The following TPO variants were observed in gnomAD, a reference collection of about 807,000 sequenced individuals.
TPO encodes the protein thyroid peroxidase.
A neutral mutation model predicts 96.9 loss-of-function variants in TPO; 78 were observed. The ratio of observed to expected loss-of-function variants is 0.81; its 90% CI spans 0.67 to 0.97. The LOEUF (loss-of-function observed/expected upper bound fraction) is 0.97. Among genes scored for constraint, TPO ranks in the 50% least tolerant of loss-of-function variants. TPO has a pLI of 0.00. For synonymous variants in TPO, 547 were observed against 538.0 expected (o/e 1.02, Z -0.23); for missense variants, 1,252 against 1,274.8 (o/e 0.98, Z 0.27).
At chr2:1,382,407 G>T (rs532572520) in intron 1 of TPO, among the ~76,000 whole-genome samples, 34 of 152,272 alleles carry the variant, frequency 2.2e-4, no homozygotes, top group African/African-American at 7.2e-4. Flanking sequence ...AGAGAAGGGG[G>T]CGCACACCCC....
At chr2:1,502,824 C>A (rs1240049622) in intron 13 of TPO, among the ~76,000 whole-genome samples, 1 of 152,252 alleles carries the variant, frequency 6.6e-6, no homozygotes, top group African/African-American at 2.4e-5. Flanking sequence ...GCCCATTTTT[C>A]ACAGCTGACA....
intron 1 of TPO, among the ~76,000 whole-genome samples, chr2:1,382,374 C>A (rs1661823757): frequency 6.6e-6 from 1 of 152,194 alleles, no homozygotes; most frequent in Admixed American, 6.5e-5. Context: ...AACACAGAAA[C>A]CCCAAGGCCA....
rs187131555 is a variant in TPO, at chr2:1,471,364, G to C, written c.820-5722G>C. ...TACTTCACATTTCTCACCCTCTTAT[G>C]CTGAAAGCGAGTTGAGTTACGTTCA... On this transcript the variant is annotated intron_variant, in intron 7 of 16. Coordinates refer to ENST00000329066, the MANE Select transcript of TPO (RefSeq NM_001206744.2). 1.1e-4 allele frequency among the ~76,000 whole-genome samples: 17 copies of C among 152,028 alleles called. 1 individual carries two copies. The highest frequency in any genetic ancestry group is 3.4e-3 in the Middle Eastern group (1 of 294).
chr2:1,397,735 C>G (rs1573059426), intron 1 of TPO, among the ~76,000 whole-genome samples: 1 of 152,122 alleles, frequency 6.6e-6, no homozygotes, highest in Admixed American at 6.5e-5. Flanking sequence ...GGGGAAGGGG[C>G]TCCTCCATCC....
chr2:1,374,316 C>T (rs895545998), exon 1 of TPO: 10 of 152,284 alleles, frequency 6.6e-5, no homozygotes, highest in African/African-American at 1.4e-4. Context: ...TCCTTGACCC[C>T]AGCCTCACCG....
rs1221469555 is a variant in TPO at position 1,477,444 on chromosome 2, G to C, written c.1178G>C (p.Gly393Ala). The change falls in exon 8 of 17, where the codon GGA becomes GCA. Residue 393 changes from glycine (G) to alanine (A), a missense_variant. Gly to Ala is a moderately conservative substitution (Grantham distance 60). Coordinates refer to ENST00000329066, the MANE Select transcript of TPO (RefSeq NM_001206744.2). Reference protein sequence around the residue: ...GETRGPCFLAGDGRASEVPSL... With the variant: ...GETRGPCFLAADGRASEVPSL... ...ACCCGCGGGCCCTGCTTCCTGGCCGGAGACGGCCGCGCCAGCGAGGTCCCC... is the reference window on the plus strand; with the variant it reads ...ACCCGCGGGCCCTGCTTCCTGGCCGCAGACGGCCGCGCCAGCGAGGTCCCC... The C allele has an allele frequency of 2.6e-6, 4 of 1,523,768 alleles. No homozygotes were observed. The allele number at this position is 1,523,768 out of a possible 1,614,324, so 94.4% of individuals were successfully genotyped here. A position where few individuals can be genotyped will look rare whatever the true frequency, so the allele number is the denominator to read the frequency against.
intron 15 of TPO, among the ~76,000 whole-genome samples, chr2:1,528,230 A>C (rs144193914): frequency 0.023 from 1,074 of 46,756 alleles, 6 homozygotes; most frequent in Middle Eastern, 0.083. Context: ...CCACTGTGTG[A>C]AACCTCCCCA....
chr2:1,494,129 C>A lies in TPO; in HGVS notation c.2006+90C>A, dbSNP rs10198697. ...CTGAAGCCAGCCAGACCTGCATTCA[C>A]ATTCCGGCTCCACCATTCAACTCTT... is the stretch of plus-strand genomic sequence containing the variant. On this transcript the variant is annotated intron_variant, in intron 11 of 16. Transcript: ENST00000329066. 0.01 allele frequency: 13,014 copies of A among 1,274,422 alleles called. 983 individuals are homozygous for A. In the African/African-American group the frequency reaches 0.16, roughly 16 times the overall value. 78.9% of individuals were successfully genotyped at this position (1,274,422 alleles called of 1,614,324 possible). A position where few individuals can be genotyped will look rare whatever the true frequency, so the allele number is the denominator to read the frequency against.
At position 1,476,959 on chromosome 2, in the gene TPO, C is replaced by A. The variant is rs541346289; in HGVS notation, c.820-127C>A. The A allele has an allele frequency of 1.6e-5, 20 of 1,236,634 alleles. No individual in the cohort carries two copies. In the African/African-American group the frequency reaches 2.6e-4, roughly 16 times the overall value. The allele number at this position is 1,236,634 out of a possible 1,614,324, so 76.6% of individuals were successfully genotyped here. Reference sequence around the variant, plus strand: ...GGTGAGGGGACTGGCTGGACTGACCCCTACAGAGGACTGGAGGGGCAGAGA... The same window carrying A: ...GGTGAGGGGACTGGCTGGACTGACCACTACAGAGGACTGGAGGGGCAGAGA... On this transcript the variant is annotated intron_variant, in intron 7 of 16. Transcript: ENST00000329066.
At chr2:1,397,378 A>T (rs994803890) in intron 1 of TPO, among the ~76,000 whole-genome samples, 4 of 152,186 alleles carry the variant, frequency 2.6e-5, no homozygotes, top group African/African-American at 4.8e-5. Flanking sequence ...GTATGTGAGG[A>T]TGCCTTCCCT....
At chr2:1,499,807 A>G (rs1672698514) in intron 13 of TPO, among the ~76,000 whole-genome samples, 1 of 152,230 alleles carries the variant, frequency 6.6e-6, no homozygotes, top group South Asian at 2.1e-4. Context: ...CTCCTGCCAC[A>G]GACATTTCCG....
intron 5 of TPO, among the ~76,000 whole-genome samples, chr2:1,452,995 C>T (rs1366549379): frequency 1.3e-5 from 2 of 152,204 alleles, no homozygotes; most frequent in African/African-American, 4.8e-5. Flanking sequence ...AACAAAACTG[C>T]AGACCAGCCT....
intron 2 of TPO, among the ~76,000 whole-genome samples, chr2:1,422,727 T>A (rs1663893496): frequency 6.6e-6 from 1 of 152,242 alleles, no homozygotes; most frequent in African/African-American, 2.4e-5. Flanking sequence ...ACTTTACCAC[T>A]GGCTCAGGTA....
At chr2:1,524,333 C>A (rs1675918361) in intron 15 of TPO, among the ~76,000 whole-genome samples, 1 of 135,680 alleles carries the variant, frequency 7.4e-6, no homozygotes. Context: ...AATCCCCCTA[C>A]TGTAAGCAAC....
At chr2:1,531,296 A>G (rs1320428308) in intron 15 of TPO, among the ~76,000 whole-genome samples, 1 of 95,930 alleles carries the variant, frequency 1.0e-5, no homozygotes, top group South Asian at 3.7e-4. Flanking sequence ...AATGTCAGCA[A>G]CTTCCCTAAA....
chr2:1,492,637 A>T (rs1671882450), intron 10 of TPO, among the ~76,000 whole-genome samples: 1 of 152,208 alleles, frequency 6.6e-6, no homozygotes, highest in African/African-American at 2.4e-5. Flanking sequence ...TGTTTGGTCT[A>T]AACATGAGAC....
chr2:1,448,176 C>T (rs961285130), intron 5 of TPO, among the ~76,000 whole-genome samples: 2 of 152,188 alleles, frequency 1.3e-5, no homozygotes, highest in South Asian at 4.1e-4. Context: ...TGTGCCCTGC[C>T]GGCATCCACA....
At chr2:1,430,861 G>A (rs1248022676) in intron 3 of TPO, among the ~76,000 whole-genome samples, 2 of 152,178 alleles carry the variant, frequency 1.3e-5, no homozygotes, top group East Asian at 3.9e-4. Context: ...CAATGCTGGT[G>A]CCCCCATTGT....
chr2:1,537,540 A>AAATCCCCCAACT (rs148330276), intron 15 of TPO, among the ~76,000 whole-genome samples: 3 of 22,130 alleles, frequency 1.4e-4, no homozygotes, highest in Admixed American at 7.2e-4. Context: ...TATCCCCCCC[A>AAATCCCCCAACT]GTGTGCAACC....
Sources: gnomAD v4.1 joint callset for allele counts (sites outside exome capture counted in the v4.1 genomes callset) on GRCh38, gnomAD v4.1.1 for gene constraint, MANE v1.5 for transcripts, NCBI Gene and HGNC (gene_info 2026-07-23, HGNC 2026-07-21) for gene names.